The following CCR9 variants were observed in gnomAD, a reference collection of about 807,000 sequenced individuals.
The protein encoded by CCR9 is C-C chemokine receptor type 9.
A neutral mutation model predicts 8.7 loss-of-function variants in CCR9; 4 were observed. The observed-to-expected ratio is 0.46, with a 90% CI of 0.23 to 1.06. The LOEUF (loss-of-function observed/expected upper bound fraction) is 1.06, where lower values mean the gene tolerates loss of function less well. Ranked by LOEUF, CCR9 falls within the 50% of genes least tolerant of loss-of-function variation. The pLI is 0.21. For missense variants in CCR9, 394 were observed against 453.6 expected (o/e 0.87, Z 1.19); for synonymous variants, 159 against 168.8 (o/e 0.94, Z 0.45).
chr3:45,888,974 A>G (rs1702064639), intron 1 of CCR9, among the ~76,000 whole-genome samples: 1 of 152,214 alleles, frequency 6.6e-6, no homozygotes, highest in Admixed American at 6.5e-5. Context: ...AATATATTAC[A>G]TGATATATAC....
Position 45,898,853 on chromosome 3 carries a change from T to C in CCR9, c.22-1957T>C, listed in dbSNP as rs550245446. The stretch of plus-strand genomic sequence containing the variant: ...GAAGGATTTCTCAGAGTCTTTACTG[T>C]GCTAATGTGCAATTAAAATAAAACA... On this transcript the variant is annotated intron_variant, in intron 2 of 2. Transcript: ENST00000357632. Among the ~76,000 whole-genome samples, 8 of 152,346 alleles carry C rather than the reference T, an allele frequency of 5.3e-5. No homozygotes were observed. The South Asian group carries it at 1.4e-3, about 28-fold the overall frequency.
intron 1 of CCR9, among the ~76,000 whole-genome samples, chr3:45,893,886 C>G (rs577270635): frequency 2.0e-5 from 3 of 152,224 alleles, no homozygotes; most frequent in South Asian, 4.1e-4. Context: ...AGTGGTTTTA[C>G]CACACATTAT....
chr3:45,898,949 C>T (rs1985356), intron 2 of CCR9, among the ~76,000 whole-genome samples: 43,048 of 152,138 alleles, frequency 0.28, 8,485 homozygotes, highest in African/African-American at 0.56. Context: ...GGGTGGATTA[C>T]GAGGTCAGAA....
At chr3:45,896,549 T>A (rs1426618402) in intron 2 of CCR9, among the ~76,000 whole-genome samples, 1 of 152,114 alleles carries the variant, frequency 6.6e-6, no homozygotes, top group Admixed American at 6.5e-5. Flanking sequence ...AGACCGAGAC[T>A]GGGGAAGGTG....
intron 1 of CCR9, among the ~76,000 whole-genome samples, chr3:45,891,461 A>AT (rs1702177717): frequency 3.3e-5 from 5 of 152,048 alleles, no homozygotes; most frequent in South Asian, 2.1e-4. Flanking sequence ...GTTTTCATTA[A>AT]TTTTTTGCAT....
intron 2 of CCR9, chr3:45,897,656 T>G (rs1182523445): frequency 1.3e-6 from 2 of 1,504,576 alleles, no homozygotes; most frequent in Non-Finnish European, 1.8e-6. Flanking sequence ...AGCTAAGTGA[T>G]GCTGGCCTTC....
At chr3:45,895,441 T>C (rs1282893136) in intron 2 of CCR9, among the ~76,000 whole-genome samples, 1 of 152,218 alleles carries the variant, frequency 6.6e-6, no homozygotes, top group African/African-American at 2.4e-5. Context: ...CTGGGCGTGG[T>C]AGCTCACGCC....
chr3:45,899,940 T>C (rs1702493104), intron 2 of CCR9, among the ~76,000 whole-genome samples: 1 of 152,106 alleles, frequency 6.6e-6, no homozygotes. Flanking sequence ...TGCGCATATA[T>C]GTGTGTATAT....
intron 1 of CCR9, among the ~76,000 whole-genome samples, chr3:45,889,973 G>A (rs1702097840): frequency 6.6e-6 from 1 of 151,364 alleles, no homozygotes; most frequent in South Asian, 2.1e-4. Context: ...AGTCAGAGAT[G>A]TTGTGCTTTG....
upstream of CCR9, among the ~76,000 whole-genome samples, chr3:45,886,238 CCTGACAAGG>C (rs1701977269): frequency 6.6e-6 from 1 of 152,172 alleles, no homozygotes; most frequent in African/African-American, 2.4e-5. Flanking sequence ...CTCTGGCAAG[CCTGACAAGG>C]CTGACTTCTC....
upstream of CCR9, among the ~76,000 whole-genome samples, chr3:45,886,260 G>C (rs772172806): frequency 6.6e-6 from 1 of 152,168 alleles, no homozygotes; most frequent in African/African-American, 2.4e-5. Flanking sequence ...GACTTCTCTC[G>C]ATGGGATCCT....
At chr3:45,894,743 A>C (rs79967870) in intron 1 of CCR9, among the ~76,000 whole-genome samples, 163 bp from the exon 2 acceptor site, 1,995 of 152,338 alleles carry the variant, frequency 0.013, 49 homozygotes, top group African/African-American at 0.046. Flanking sequence ...GACTACTCAG[A>C]TGATTCTGAA....
At chr3:45,895,098 T>A in intron 2 of CCR9, 144 bp downstream of exon 2, 1 of 860,672 alleles carries the variant, frequency 1.2e-6, no homozygotes, top group Non-Finnish European at 2.0e-6. Flanking sequence ...TGCGCATTGC[T>A]GGGTAGGTTG....
chr3:45,902,372 C>G lies in CCR9; in HGVS notation c.*474C>G, dbSNP rs200919915. Reference sequence around the variant, plus strand: ...GGAAATTTTCTACCCTGCTCTTGAGCCTGATAACCCATGCCAGGTCTTATA... The same window carrying G: ...GGAAATTTTCTACCCTGCTCTTGAGGCTGATAACCCATGCCAGGTCTTATA... On this transcript the variant is annotated 3_prime_UTR_variant, in exon 3 of 3. Coordinates refer to ENST00000357632, the MANE Select transcript of CCR9 (RefSeq NM_031200.3). 1.2e-5 allele frequency: 2 copies of G among 170,612 alleles called. No individual in the cohort carries two copies. The highest frequency in any genetic ancestry group is 6.3e-5 in the Admixed American group (1 of 15,878). 10.6% of individuals were successfully genotyped at this position (170,612 alleles called of 1,614,324 possible). A position where few individuals can be genotyped will look rare whatever the true frequency, so the allele number is the denominator to read the frequency against.
intron 1 of CCR9, among the ~76,000 whole-genome samples, chr3:45,891,184 TGGCTGGGTAAGGTCACGGCCGGAGGCTGG>T (rs1313019769): frequency 6.6e-6 from 1 of 152,226 alleles, no homozygotes; most frequent in East Asian, 1.9e-4. Context: ...AATGCCCAGG[TGGCTGGGTAAGGTCACGGCCGGAGGCTGG>T]GGCTACTCAT....
intron 2 of CCR9, among the ~76,000 whole-genome samples, chr3:45,899,239 G>A (rs1033143368): frequency 6.6e-6 from 1 of 152,190 alleles, no homozygotes; most frequent in Non-Finnish European, 1.5e-5. Flanking sequence ...CAGGAGTATT[G>A]TGAATTTCAA....
At chr3:45,896,544 G>A (rs766112106) in intron 2 of CCR9, among the ~76,000 whole-genome samples, 5 of 152,176 alleles carry the variant, frequency 3.3e-5, no homozygotes, top group South Asian at 2.1e-4. Flanking sequence ...TGAGGAGACC[G>A]AGACTGGGGA....
At chr3:45,895,287 T>G (rs1012892435) in intron 2 of CCR9, among the ~76,000 whole-genome samples, 2 of 152,220 alleles carry the variant, frequency 1.3e-5, no homozygotes, top group Admixed American at 6.5e-5. Flanking sequence ...AAAGGGAGAA[T>G]TCATGTAATT....
At chr3:45,887,074 T>C (rs1185002482) in intron 1 of CCR9, among the ~76,000 whole-genome samples, 1 of 152,228 alleles carries the variant, frequency 6.6e-6, no homozygotes, top group Non-Finnish European at 1.5e-5. Flanking sequence ...AGGAGGCGAA[T>C]GGTTAAATGA....
Sources: gnomAD v4.1 joint callset for allele counts (sites outside exome capture counted in the v4.1 genomes callset) on GRCh38, gnomAD v4.1.1 for gene constraint, MANE v1.5 for transcripts, NCBI Gene and HGNC (gene_info 2026-07-23, HGNC 2026-07-21) for gene names.